The following TCF25 variants were observed in gnomAD, a reference collection of about 807,000 sequenced individuals.
The protein encoded by TCF25 is ribosome quality control complex subunit TCF25.
Under a neutral mutation model 83.1 loss-of-function variants are expected in TCF25, and 41 were observed. The ratio of observed to expected loss-of-function variants is 0.49; its 90% CI spans 0.38 to 0.64. The LOEUF (loss-of-function observed/expected upper bound fraction) is 0.64, where lower values mean the gene tolerates loss of function less well. Among genes scored for constraint, TCF25 ranks in the 30% least tolerant of loss-of-function variants. The probability of loss-of-function intolerance (pLI) is 0.00; values close to 1 mark genes in which losing one functional copy is unlikely to be tolerated. For synonymous variants in TCF25, 458 were observed against 365.0 expected (o/e 1.25, Z -2.90); for missense variants, 979 against 914.5 (o/e 1.07, Z -0.91).
intron 6 of TCF25, among the ~76,000 whole-genome samples, chr16:89,893,300 G>T (rs1028246805): frequency 6.6e-6 from 1 of 152,216 alleles, no homozygotes; most frequent in East Asian, 1.9e-4. Context: ...GAGGCCTGGC[G>T]CTGTGGCCAC....
intron 14 of TCF25, among the ~76,000 whole-genome samples, chr16:89,905,922 C>A (rs183994265): frequency 6.6e-6 from 1 of 152,198 alleles, no homozygotes; most frequent in Non-Finnish European, 1.5e-5. Context: ...CACAAGAAGC[C>A]ACTGGCTACG....
At chr16:89,908,923 T>C in intron 16 of TCF25, 3 of 1,287,590 alleles carry the variant, frequency 2.3e-6, no homozygotes, top group Non-Finnish European at 3.0e-6. Context: ...ACCCAGATGC[T>C]GAGAGATGGG....
In TCF25 at chr16:89,900,745, G is replaced by A; in HGVS notation, c.1332G>A (p.Arg444=). ...CTGAGTGTGAGCAGAGCTCTGCCAG[G>A]CAGAAGGCCTCTCTCCTGATACAGC... ...DLPECEQSSA[R]QKASLLIQQA... Residue 444 remains arginine, a synonymous_variant, in exon 12 of 18, where the codon AGG becomes AGA. Transcript: ENST00000263346. 6.3e-7 allele frequency: 1 copy of A among 1,597,806 alleles called. No individual in the cohort carries two copies. Among genetic ancestry groups the A allele is most frequent in the Non-Finnish European group, 8.6e-7 (1 of 1,166,334 alleles).
chr16:89,873,996 G>A (rs1005610758), intron 1 of TCF25, 137 bp downstream of exon 1: 21 of 1,084,852 alleles, frequency 1.9e-5, no homozygotes, highest in Non-Finnish European at 2.6e-5. Context: ...CCGCAGTGGG[G>A]AGGGCGGGGC....
At chr16:89,904,733 A>G (rs2044633179) in intron 13 of TCF25, 2 of 712,390 alleles carry the variant, frequency 2.8e-6, no homozygotes. Context: ...CTTCCTAAAG[A>G]ACATAACCTG....
rs140240201 is a variant in TCF25, at chr16:89,881,174, G to A, written c.193-2177G>A. 1.8e-3 allele frequency among the ~76,000 whole-genome samples: 271 copies of A among 152,274 alleles called. 2 individuals are homozygous for A. Among genetic ancestry groups the A allele is most frequent in the African/African-American group, 5.7e-3 (238 of 41,558 alleles). On this transcript the variant is annotated intron_variant, in intron 1 of 17. Coordinates refer to ENST00000263346, the MANE Select transcript of TCF25 (RefSeq NM_014972.3). Reference sequence around the variant, plus strand: ...CCATTGGAGAGAAAGCCGACTGACCGGCAAGCACAGACCTGCCCTGTGCTT... The same window carrying A: ...CCATTGGAGAGAAAGCCGACTGACCAGCAAGCACAGACCTGCCCTGTGCTT...
intron 10 of TCF25, 22 bp from the exon 11 acceptor site, chr16:89,898,745 C>T (rs981891939): frequency 2.5e-6 from 4 of 1,613,594 alleles, no homozygotes; most frequent in Non-Finnish European, 3.4e-6. Flanking sequence ...CTTTGCTCTG[C>T]TCTCTGTGCT....
intron 13 of TCF25, 111 bp downstream of exon 13, chr16:89,904,316 G>T (rs2044592588): frequency 1.6e-6 from 2 of 1,228,796 alleles, no homozygotes; most frequent in African/African-American, 1.5e-5. Flanking sequence ...GCAGCAGGAG[G>T]GGCTGTGGTG....
chr16:89,893,825 G>A lies in TCF25; in HGVS notation c.795G>A (p.Val265=), dbSNP rs1456677027. ...AGCAGGCTCAGCACAAGTTCCTGGT[G>A]GCCGTGGAGTCTATGGAGCCGAACA... is the stretch of plus-strand genomic sequence containing the variant. ...EYQQAQHKFL[V]AVESMEPNNI... is the part of the protein sequence containing the mutation. The change falls in exon 7 of 18, where the codon GTG becomes GTA. Residue 265 remains valine, a synonymous_variant. Transcript: ENST00000263346. The A allele has an allele frequency of 6.2e-7, 1 of 1,611,146 alleles. No individual in the cohort carries two copies. Among genetic ancestry groups the A allele is most frequent in the African/African-American group, 1.3e-5 (1 of 74,894 alleles).
chr16:89,895,948 G>C (rs73276554), intron 8 of TCF25, 42 bp from the exon 9 acceptor site: 2 of 1,570,362 alleles, frequency 1.3e-6, no homozygotes, highest in East Asian at 2.3e-5. Context: ...TGGTTGCTGT[G>C]TGTGGCCATG....
chr16:89,894,935 G>A (rs111933341), intron 7 of TCF25, 103 bp from the exon 8 acceptor site: 14 of 980,540 alleles, frequency 1.4e-5, no homozygotes, highest in African/African-American at 9.7e-5. Flanking sequence ...GTGAGCCACT[G>A]CGCCCAGCCT....
At chr16:89,906,044 T>G (rs1360528972) in intron 14 of TCF25, 150 bp from the exon 15 acceptor site, 1 of 698,530 alleles carries the variant, frequency 1.4e-6, no homozygotes, top group Non-Finnish European at 2.4e-6. Flanking sequence ...ATGGTGCCTC[T>G]GCTCGAGAGT....
chr16:89,893,420 G>T (rs918195177), intron 6 of TCF25, among the ~76,000 whole-genome samples: 34 of 152,254 alleles, frequency 2.2e-4, no homozygotes, highest in African/African-American at 7.7e-4. Context: ...GCGATCTGTG[G>T]ACTGTGTGTG....
intron 7 of TCF25, 102 bp from the exon 8 acceptor site, chr16:89,894,936 C>T (rs2043732322): frequency 8.0e-6 from 8 of 999,628 alleles, no homozygotes; most frequent in East Asian, 2.7e-5. Context: ...TGAGCCACTG[C>T]GCCCAGCCTC....
chr16:89,883,227 C>A, intron 1 of TCF25, 124 bp from the exon 2 acceptor site: 1 of 1,308,274 alleles, frequency 7.6e-7, no homozygotes, highest in Non-Finnish European at 1.0e-6. Context: ...CTTTCCCGTC[C>A]AGCGTCTCGC....
chr16:89,904,458 C>T (rs971740888), intron 13 of TCF25: 44 of 555,598 alleles, frequency 7.9e-5, no homozygotes, highest in Non-Finnish European at 1.1e-4. Context: ...CCAGGCGTGG[C>T]GGCACATGCC....
At chr16:89,903,867 G>A (rs1220267009) in intron 12 of TCF25, among the ~76,000 whole-genome samples, 1 of 152,056 alleles carries the variant, frequency 6.6e-6, no homozygotes, top group East Asian at 1.9e-4. Context: ...GTCTTCCCTT[G>A]GATGCAAATG....
intron 17 of TCF25, 86 bp from the exon 18 acceptor site, chr16:89,910,994 G>A (rs759964252): frequency 3.8e-6 from 6 of 1,559,006 alleles, no homozygotes; most frequent in Non-Finnish European, 4.4e-6. Context: ...GGGCCACCTC[G>A]GGCTCCACAG....
intron 1 of TCF25, among the ~76,000 whole-genome samples, chr16:89,875,671 C>T (rs1040093630): frequency 1.2e-4 from 18 of 151,228 alleles, no homozygotes; most frequent in Non-Finnish European, 1.9e-4. Context: ...CACAGGCGCC[C>T]GCCACCACGC....
Sources: allele counts gnomAD v4.1 joint callset (sites outside exome capture counted in the v4.1 genomes callset), GRCh38; gene constraint gnomAD v4.1.1; transcripts MANE v1.5; gene names NCBI Gene and HGNC (gene_info 2026-07-23, HGNC 2026-07-21).